SLC13A1: variants seen among roughly 807,000 people sequenced by gnomAD.
SLC13A1 encodes the protein solute carrier family 13 member 1.
SLC13A1 carries 65 observed loss-of-function variants against 70.0 expected under a neutral mutation model. That is an observed-to-expected ratio of 0.93 (90% CI 0.76 to 1.14). The LOEUF (loss-of-function observed/expected upper bound fraction) is 1.14, where lower values mean the gene tolerates loss of function less well. SLC13A1 is among the 50% of genes most tolerant of loss of function. The pLI is 0.00. For synonymous variants in SLC13A1, 275 were observed against 250.5 expected, an observed-to-expected ratio of 1.10 and a Z score of -0.92; for missense variants, 726 against 717.8, an observed-to-expected ratio of 1.01 and a Z score of -0.13.
rs1384200592 is a variant in SLC13A1, at chr7:123,169,237, A to G, written c.464T>C (p.Val155Ala). ...AMVMPIAEAV[V>A]QQIINAEAEV... ...TGCTTCTGCATTGATGATCTGCTGCACTACAGCCTCCGCAATGGGCATCAC... is the reference window on the plus strand; with the variant it reads ...TGCTTCTGCATTGATGATCTGCTGCGCTACAGCCTCCGCAATGGGCATCAC... Residue 155 changes from valine to alanine, a missense_variant, in exon 4 of 15, where the codon GTG (valine) becomes GCG (alanine). Transcript: ENST00000194130. The G allele has an allele frequency of 6.2e-7, 1 of 1,614,088 alleles. No homozygotes were observed. Among genetic ancestry groups the G allele is most frequent in the Non-Finnish European group, 8.5e-7 (1 of 1,179,986 alleles).
intron 8 of SLC13A1, among the ~76,000 whole-genome samples, chr7:123,132,818 T>A (rs2116332182): frequency 6.6e-6 from 1 of 152,340 alleles, no homozygotes; most frequent in East Asian, 1.9e-4. Flanking sequence ...ACTTCACCTT[T>A]CTTTAAGGAG....
intron 2 of SLC13A1, among the ~76,000 whole-genome samples, chr7:123,173,230 T>A (rs1468564187): frequency 6.6e-6 from 1 of 152,182 alleles, no homozygotes; most frequent in African/African-American, 2.4e-5. Context: ...ATATCTGCAT[T>A]TTTAACATAA....
At chr7:123,154,492 G>A (rs1456595251) in intron 6 of SLC13A1, among the ~76,000 whole-genome samples, 2 of 152,060 alleles carry the variant, frequency 1.3e-5, no homozygotes, top group Non-Finnish European at 2.9e-5. Context: ...TTCCTTCACT[G>A]AATACGTATA....
intron 1 of SLC13A1, among the ~76,000 whole-genome samples, chr7:123,183,257 C>T (rs1795695852): frequency 6.6e-6 from 1 of 152,102 alleles, no homozygotes; most frequent in Admixed American, 6.6e-5. Context: ...AGTCTATGTG[C>T]TTAATTTGAG....
rs751470016 is a variant in SLC13A1, at chr7:123,119,183, T to C, written c.1410A>G (p.Ala470=). 2.5e-6 allele frequency: 4 copies of C among 1,612,450 alleles called. No homozygotes were observed. The highest frequency in any genetic ancestry group is 3.4e-6 in the Non-Finnish European group (4 of 1,178,848). ...NKLSPLGSLP[A]WLIILISSLM... ...AAGAAGATATCAGAATTATTAGCCA[T>C]GCTGGTAATGAACCCAGAGGAGATA... Residue 470 remains alanine (A), a synonymous_variant, in exon 13 of 15, where the codon GCA becomes GCG. Transcript: ENST00000194130.
intron 6 of SLC13A1, among the ~76,000 whole-genome samples, chr7:123,152,090 T>A (rs1794577322): frequency 6.6e-6 from 1 of 152,128 alleles, no homozygotes. Context: ...TTATCTTTTG[T>A]CTTCTTGTGT....
intron 1 of SLC13A1, among the ~76,000 whole-genome samples, chr7:123,183,932 C>T (rs1475806436): frequency 6.6e-6 from 1 of 151,550 alleles, no homozygotes; most frequent in African/African-American, 2.4e-5. Context: ...TTACCTTGAA[C>T]ACACATGTGC....
At chr7:123,117,114 G>A (rs1487576690) in intron 14 of SLC13A1, among the ~76,000 whole-genome samples, 1 of 152,086 alleles carries the variant, frequency 6.6e-6, no homozygotes, top group Non-Finnish European at 1.5e-5. Context: ...TGTTTTGATT[G>A]CTGATTTCTT....
At chr7:123,138,500 C>T (rs1794027098) in intron 7 of SLC13A1, among the ~76,000 whole-genome samples, 1 of 152,246 alleles carries the variant, frequency 6.6e-6, no homozygotes. Context: ...AAACTGTTCT[C>T]TATAGTGGTT....
At chr7:123,126,700 CT>C (rs1793573623) in intron 10 of SLC13A1, among the ~76,000 whole-genome samples, 1 of 152,012 alleles carries the variant, frequency 6.6e-6, no homozygotes. Context: ...GACACATTTT[CT>C]TTCATTACTA....
chr7:123,134,074 A>G (rs952192058), intron 8 of SLC13A1, among the ~76,000 whole-genome samples: 1 of 151,556 alleles, frequency 6.6e-6, no homozygotes, highest in Non-Finnish European at 1.5e-5. Flanking sequence ...TTTGGTAGAG[A>G]CAGAGTTTTG....
intron 10 of SLC13A1, among the ~76,000 whole-genome samples, chr7:123,128,632 A>T (rs957602454): frequency 3.3e-5 from 5 of 152,194 alleles, no homozygotes; most frequent in African/African-American, 1.2e-4. Context: ...GCCTTTCAGT[A>T]ACAGAGTAAG....
rs534533311 is a variant in SLC13A1 at position 123,130,499 on chromosome 7, G to A, written c.933-1018C>T. On this transcript the variant is annotated intron_variant, in intron 8 of 14. Transcript: ENST00000194130. ...AAACACCACATGTTCTCACTCATAA[G>A]TGGGAGCTGAACAAGGAGAACACAT... Among the ~76,000 whole-genome samples, 65 of 152,214 alleles carry A rather than the reference G, an allele frequency of 4.3e-4. No individual in the cohort carries two copies. In the South Asian group the frequency reaches 0.013, roughly 32 times the overall value.
At chr7:123,125,498 G>A (rs1793527583) in intron 11 of SLC13A1, 71 bp downstream of exon 11, 2 of 1,147,688 alleles carry the variant, frequency 1.7e-6, no homozygotes, top group Non-Finnish European at 1.3e-6. Flanking sequence ...TAGGTGCCAA[G>A]CGAAACCAAT....
intron 2 of SLC13A1, among the ~76,000 whole-genome samples, chr7:123,179,777 T>C (rs1233856745): frequency 6.6e-6 from 1 of 151,538 alleles, no homozygotes; most frequent in Non-Finnish European, 1.5e-5. Flanking sequence ...TCAGTTTTAT[T>C]GTTACTAAAC....
chr7:123,154,262 A>G (rs1794646325), intron 6 of SLC13A1, among the ~76,000 whole-genome samples: 1 of 152,058 alleles, frequency 6.6e-6, no homozygotes, highest in Non-Finnish European at 1.5e-5. Flanking sequence ...CACAATGGTA[A>G]CCTATTGTGT....
chr7:123,188,585 G>A (rs1023492665), intron 1 of SLC13A1, among the ~76,000 whole-genome samples: 3 of 151,848 alleles, frequency 2.0e-5, no homozygotes, highest in East Asian at 3.9e-4. Context: ...TATATTTATA[G>A]TTCTTTTTCA....
rs575485262 is a variant in SLC13A1, at chr7:123,140,538, G to A, written c.813-6009C>T. Among the ~76,000 whole-genome samples the A allele has an allele frequency of 2.0e-5, 3 of 152,198 alleles. No individual in the cohort carries two copies. The South Asian group carries it at 6.2e-4, about 32-fold the overall frequency. ...TTTAAATATTTGGAAGGATTCAGCA[G>A]TGAAGCCATTGGGTCCCAGGCTTTT... On this transcript the variant is annotated intron_variant, in intron 7 of 14. Transcript: ENST00000194130.
chr7:123,156,471 T>TA (rs1794720372), intron 6 of SLC13A1, among the ~76,000 whole-genome samples: 1 of 152,128 alleles, frequency 6.6e-6, no homozygotes, highest in Non-Finnish European at 1.5e-5. Context: ...GTAGATGATG[T>TA]AACTAAAAAG....
Sources: allele counts gnomAD v4.1 joint callset (sites outside exome capture counted in the v4.1 genomes callset), GRCh38; gene constraint gnomAD v4.1.1; transcripts MANE v1.5; gene names NCBI Gene and HGNC (gene_info 2026-07-23, HGNC 2026-07-21).